The following TAOK3 variants were observed in gnomAD, a reference collection of about 807,000 sequenced individuals.
TAOK3 encodes TAO kinase 3.
A neutral mutation model predicts 120.4 loss-of-function variants in TAOK3; 40 were observed. The ratio of observed to expected loss-of-function variants is 0.33; its 90% CI spans 0.26 to 0.43. The LOEUF is 0.43. Among genes scored for constraint, TAOK3 ranks in the 20% least tolerant of loss-of-function variants. The pLI is 1.00. For missense variants in TAOK3, 821 were observed against 1,112.1 expected (o/e 0.74, Z 3.72); for synonymous variants, 355 against 387.5 (o/e 0.92, Z 0.99).
In TAOK3 at chr12:118,161,270, G is replaced by A. The variant is rs2035200741; in HGVS notation, c.2139+518C>T. 6.6e-6 allele frequency among the ~76,000 whole-genome samples: 1 copy of A among 152,200 alleles called. No individual in the cohort carries two copies. The highest frequency in any genetic ancestry group is 2.4e-5 in the African/African-American group (1 of 41,452). On this transcript the variant is annotated intron_variant, in intron 18 of 20. Coordinates refer to ENST00000392533, the MANE Select transcript of TAOK3 (RefSeq NM_016281.4). The surrounding 1 kb of genome is among the most constrained non-coding windows in gnomAD (Gnocchi z 4.5). ...GCTAAAATTAGCTGGAGGCAGTGAGGGCTACAGGAGTTCCTCCACATCTCT... is the reference window on the plus strand; with the variant it reads ...GCTAAAATTAGCTGGAGGCAGTGAGAGCTACAGGAGTTCCTCCACATCTCT...
rs375746938 is a variant in TAOK3, at chr12:118,315,172, G to A, written c.-193-48413C>T. Among the ~76,000 whole-genome samples, 53 of 152,076 alleles carry A rather than the reference G, an allele frequency of 3.5e-4. 1 individual carries two copies. Among genetic ancestry groups the A allele is most frequent in the Non-Finnish European group, 5.6e-4 (38 of 68,000 alleles). The stretch of plus-strand genomic sequence containing the variant: ...ACTCCTGACCTCAAGTGATCTGCCC[G>A]CCTTGGACTCCCAAAGTGCTGGGAT... On this transcript the variant is annotated intron_variant, in intron 1 of 20. Coordinates refer to ENST00000392533, the MANE Select transcript of TAOK3 (RefSeq NM_016281.4).
chr12:118,294,542 C>T (rs1381424327), intron 1 of TAOK3, among the ~76,000 whole-genome samples: 1 of 152,054 alleles, frequency 6.6e-6, no homozygotes, highest in African/African-American at 2.4e-5. Flanking sequence ...CACCACCATG[C>T]CCAGCTAATT....
chr12:118,273,231 G>A (rs1211137841), intron 1 of TAOK3, among the ~76,000 whole-genome samples: 1 of 151,742 alleles, frequency 6.6e-6, no homozygotes, highest in African/African-American at 2.4e-5. Flanking sequence ...GGGCCAGCGC[G>A]GTGGCTCATG....
intron 1 of TAOK3, among the ~76,000 whole-genome samples, chr12:118,322,481 A>C (rs1039743854): frequency 6.6e-6 from 1 of 151,924 alleles, no homozygotes; most frequent in South Asian, 2.1e-4. Context: ...AGGTCAGCAA[A>C]CTTTTCTATA....
intron 3 of TAOK3, among the ~76,000 whole-genome samples, chr12:118,251,365 CT>C (rs1381573345): frequency 3.3e-5 from 5 of 152,174 alleles, no homozygotes; most frequent in African/African-American, 1.2e-4. Context: ...AAGGTTAAAG[CT>C]TTTCGTAAGT....
intron 14 of TAOK3, 42 bp from the exon 15 acceptor site, chr12:118,181,649 T>C (rs200166830): frequency 1.3e-6 from 2 of 1,568,314 alleles, no homozygotes; most frequent in South Asian, 2.2e-5. Flanking sequence ...ACCAGGTTCA[T>C]GGGAGACAAG....
intron 1 of TAOK3, among the ~76,000 whole-genome samples, chr12:118,324,869 C>T (rs373751955): frequency 7.2e-4 from 109 of 151,006 alleles, no homozygotes; most frequent in Middle Eastern, 6.8e-3. Context: ...CTCAGCCTCC[C>T]GAGTAGCTGG....
At chr12:118,222,316 C>T (rs780834910) in intron 9 of TAOK3, among the ~76,000 whole-genome samples, 7 of 152,088 alleles carry the variant, frequency 4.6e-5, no homozygotes, top group Non-Finnish European at 1.0e-4. Context: ...CGGAGGATCA[C>T]GAGGTCAAGA....
chr12:118,151,926 C>T (rs2034474381), intron 20 of TAOK3, among the ~76,000 whole-genome samples: 1 of 152,116 alleles, frequency 6.6e-6, no homozygotes, highest in African/African-American at 2.4e-5. Flanking sequence ...GCTCACAGTA[C>T]CTTTCAGGTG....
chr12:118,339,648 C>T (rs1566142488), intron 1 of TAOK3, among the ~76,000 whole-genome samples: 1 of 151,880 alleles, frequency 6.6e-6, no homozygotes, highest in African/African-American at 2.4e-5. Flanking sequence ...TCACTGCAAC[C>T]TCCACCTCCC....
At chr12:118,341,700 G>T (rs2044626707) in intron 1 of TAOK3, among the ~76,000 whole-genome samples, 1 of 152,026 alleles carries the variant, frequency 6.6e-6, no homozygotes, top group Admixed American at 6.6e-5. Flanking sequence ...TTTTATCAAG[G>T]AATTCCACTA....
chr12:118,345,326 A>T (rs2044807280), intron 1 of TAOK3, among the ~76,000 whole-genome samples: 1 of 152,226 alleles, frequency 6.6e-6, no homozygotes, highest in South Asian at 2.1e-4. Flanking sequence ...ATAACCGGTT[A>T]CTTTGGACAA....
At chr12:118,301,247 T>C (rs1021100562) in intron 1 of TAOK3, among the ~76,000 whole-genome samples, 6 of 152,170 alleles carry the variant, frequency 3.9e-5, no homozygotes, top group African/African-American at 1.4e-4. Flanking sequence ...GCTGCAAATG[T>C]CACTGTCAAG....
At chr12:118,368,129 A>G (rs980550758) in intron 1 of TAOK3, among the ~76,000 whole-genome samples, 15 of 152,146 alleles carry the variant, frequency 9.9e-5, no homozygotes, top group Admixed American at 6.5e-4. Context: ...AACCAAAAAG[A>G]CCTTGCAATG....
At chr12:118,332,268 C>T in intron 1 of TAOK3, among the ~76,000 whole-genome samples, 1 of 152,106 alleles carries the variant, frequency 6.6e-6, no homozygotes. Context: ...CTCCACCCTT[C>T]CCCCAACCCC....
rs562171482 is a variant in TAOK3, at chr12:118,170,520, G to T, written c.1899+1937C>A. 5.9e-5 allele frequency among the ~76,000 whole-genome samples: 9 copies of T among 152,294 alleles called. No individual in the cohort carries two copies. In the East Asian group the frequency reaches 1.5e-3, roughly 26 times the overall value. On this transcript the variant is annotated intron_variant, in intron 17 of 20. Coordinates refer to ENST00000392533, the MANE Select transcript of TAOK3 (RefSeq NM_016281.4). ...CTCATGCCTGTAATCTCCACACTTT[G>T]GGAGGCTGAGGCAGGCAGGTCACTT...
At chr12:118,315,303 T>C (rs1399418477) in intron 1 of TAOK3, among the ~76,000 whole-genome samples, 2 of 152,238 alleles carry the variant, frequency 1.3e-5, no homozygotes, top group Non-Finnish European at 2.9e-5. Flanking sequence ...GATATAATCA[T>C]GTGATGTAAT....
intron 1 of TAOK3, among the ~76,000 whole-genome samples, chr12:118,335,632 A>T (rs1407999533): frequency 1.3e-5 from 2 of 152,266 alleles, no homozygotes; most frequent in East Asian, 3.9e-4. Flanking sequence ...GGAGTTCAAG[A>T]CTAGTCTGGT....
chr12:118,186,662 C>T (rs921409165), intron 14 of TAOK3, among the ~76,000 whole-genome samples: 5 of 152,070 alleles, frequency 3.3e-5, no homozygotes, highest in Non-Finnish European at 5.9e-5. Flanking sequence ...AATAAAGATG[C>T]CATGAAATAC....
Sources: gnomAD v4.1 joint callset for allele counts (sites outside exome capture counted in the v4.1 genomes callset) on GRCh38, gnomAD v4.1.1 for gene constraint, Gnocchi (gnomAD v3.1) non-coding constraint, MANE v1.5 for transcripts, NCBI Gene and HGNC (gene_info 2026-07-23, HGNC 2026-07-21) for gene names.